The following DACH1 variants were observed in gnomAD, a reference collection of about 807,000 sequenced individuals.
DACH1 encodes the protein dachshund family transcription factor 1.
Under a neutral mutation model 54.2 loss-of-function variants are expected in DACH1, and 12 were observed. The ratio of observed to expected loss-of-function variants is 0.22; its 90% CI spans 0.14 to 0.36. The LOEUF (loss-of-function observed/expected upper bound fraction) is 0.36. Ranked by LOEUF, DACH1 falls within the 10% of genes least tolerant of loss-of-function variation. DACH1 has a pLI of 1.00. For missense variants in DACH1, 805 were observed against 929.8 expected, an observed-to-expected ratio of 0.87 and a Z score of 1.75; for synonymous variants, 386 against 366.2, an observed-to-expected ratio of 1.05 and a Z score of -0.62.
At chr13:71,740,232 T>C (rs1302123771) in intron 1 of DACH1, among the ~76,000 whole-genome samples, 1 of 152,170 alleles carries the variant, frequency 6.6e-6, no homozygotes, top group African/African-American at 2.4e-5. Context: ...TTCAAGCTAT[T>C]TTCTACTACC....
At chr13:71,769,561 T>C (rs1218514390) in intron 1 of DACH1, among the ~76,000 whole-genome samples, 1 of 151,632 alleles carries the variant, frequency 6.6e-6, no homozygotes, top group Non-Finnish European at 1.5e-5. Context: ...GTCACTTTTC[T>C]GAAAAATAGT....
At chr13:71,618,355 T>G (rs958277065) in intron 3 of DACH1, among the ~76,000 whole-genome samples, 1 of 152,104 alleles carries the variant, frequency 6.6e-6, no homozygotes, top group African/African-American at 2.4e-5. Flanking sequence ...TGCTGAGTTA[T>G]GCTTTGTGGT....
chr13:71,487,146 C>T (rs993036460), intron 7 of DACH1, among the ~76,000 whole-genome samples: 4 of 152,070 alleles, frequency 2.6e-5, no homozygotes, highest in South Asian at 2.1e-4. Context: ...CCACGGCACC[C>T]GACCCTTAAT....
At chr13:71,704,609 G>T in intron 1 of DACH1, 1 of 443,792 alleles carries the variant, frequency 2.3e-6, no homozygotes, top group Non-Finnish European at 4.5e-6. Flanking sequence ...ACCCATGGCA[G>T]GGAGCCTGAG....
intron 1 of DACH1, among the ~76,000 whole-genome samples, chr13:71,745,778 C>T (rs1002525154): frequency 6.6e-5 from 10 of 152,168 alleles, no homozygotes; most frequent in African/African-American, 2.4e-4. Context: ...ACGGTGTACT[C>T]AATCCCAATA....
intron 1 of DACH1, among the ~76,000 whole-genome samples, chr13:71,814,586 C>A: frequency 6.6e-6 from 1 of 152,140 alleles, no homozygotes; most frequent in Non-Finnish European, 1.5e-5. Flanking sequence ...GTAATGGACT[C>A]TTTGGATTAA....
At chr13:71,667,564 A>G (rs973097879) in intron 2 of DACH1, among the ~76,000 whole-genome samples, 1 of 152,204 alleles carries the variant, frequency 6.6e-6, no homozygotes, top group Non-Finnish European at 1.5e-5. Flanking sequence ...TCTCTCATTG[A>G]TACATATAGT....
chr13:71,619,068 T>C (rs1876004418), intron 3 of DACH1, among the ~76,000 whole-genome samples: 1 of 151,670 alleles, frequency 6.6e-6, no homozygotes. Flanking sequence ...CTGAAAACAT[T>C]TTATGCACTA....
Position 71,652,042 on chromosome 13 carries a change from C to T in DACH1, c.965-21325G>A, listed in dbSNP as rs192127485. Among the ~76,000 whole-genome samples, 31 of 152,220 alleles carry T rather than the reference C, an allele frequency of 2.0e-4. No individual in the cohort carries two copies. The East Asian group carries it at 6.0e-3, about 29-fold the overall frequency. On this transcript the variant is annotated intron_variant, in intron 2 of 10. Coordinates refer to ENST00000613252, the MANE Select transcript of DACH1 (RefSeq NM_080759.6). ...AATTCCTGAGGAACTACTTAATTGG[C>T]ATTTGTCATGCTAGATCGTATTCCT...
intron 4 of DACH1, among the ~76,000 whole-genome samples, chr13:71,563,716 A>C (rs1884735709): frequency 6.6e-6 from 1 of 151,716 alleles, no homozygotes; most frequent in Admixed American, 6.6e-5. Flanking sequence ...AGCATAATAA[A>C]GCTCAGTAAA....
intron 1 of DACH1, among the ~76,000 whole-genome samples, chr13:71,845,741 G>A (rs1023632324): frequency 6.6e-6 from 1 of 152,162 alleles, no homozygotes; most frequent in East Asian, 1.9e-4. Context: ...CCATAATCCA[G>A]TATCCTTATG....
At chr13:71,752,199 G>T (rs143566388) in intron 1 of DACH1, among the ~76,000 whole-genome samples, 1 of 152,106 alleles carries the variant, frequency 6.6e-6, no homozygotes, top group African/African-American at 2.4e-5. Flanking sequence ...TGCTCTGAAA[G>T]CTCCTTCTGA....
chr13:71,621,146 C>T lies in DACH1; in HGVS notation c.1126+9410G>A, dbSNP rs187396043. 2.1e-4 allele frequency among the ~76,000 whole-genome samples: 32 copies of T among 151,882 alleles called. No homozygotes were observed. In the East Asian group the frequency reaches 4.8e-3, roughly 23 times the overall value. ...CAAACACACACACACACTTCTTTGTCGCTATGCAGCTATTACTCCCAGCCT... is the reference window on the plus strand; with the variant it reads ...CAAACACACACACACACTTCTTTGTTGCTATGCAGCTATTACTCCCAGCCT... On this transcript the variant is annotated intron_variant, in intron 3 of 10. Coordinates refer to ENST00000613252, the MANE Select transcript of DACH1 (RefSeq NM_080759.6).
chr13:71,756,189 C>T (rs901854546), intron 1 of DACH1, among the ~76,000 whole-genome samples: 4 of 151,964 alleles, frequency 2.6e-5, no homozygotes, highest in South Asian at 4.1e-4. Flanking sequence ...TGCCACCACA[C>T]TCGGCTAATT....
intron 7 of DACH1, among the ~76,000 whole-genome samples, chr13:71,484,339 T>G (rs1263239012): frequency 1.3e-5 from 2 of 152,142 alleles, no homozygotes; most frequent in Non-Finnish European, 2.9e-5. Context: ...AGCTAATTTT[T>G]GTATTTTTGT....
intron 1 of DACH1, among the ~76,000 whole-genome samples, chr13:71,784,705 AG>A (rs1426461622): frequency 1.1e-4 from 16 of 152,244 alleles, no homozygotes; most frequent in Non-Finnish European, 2.2e-4. Flanking sequence ...AGCCAAGAAA[AG>A]TTTTGTCATT....
chr13:71,543,203 A>G (rs1321669991), intron 6 of DACH1, among the ~76,000 whole-genome samples: 3 of 152,160 alleles, frequency 2.0e-5, no homozygotes, highest in Non-Finnish European at 4.4e-5. Context: ...GGTTCACTAC[A>G]AGAAATGCAA....
chr13:71,683,058 T>A (rs1880991116), intron 1 of DACH1, among the ~76,000 whole-genome samples: 1 of 152,144 alleles, frequency 6.6e-6, no homozygotes, highest in Non-Finnish European at 1.5e-5. Flanking sequence ...ATCAGAAGAT[T>A]CAAAGATGTT....
intron 1 of DACH1, among the ~76,000 whole-genome samples, chr13:71,736,440 G>A (rs1566469181): frequency 6.6e-6 from 1 of 151,888 alleles, no homozygotes; most frequent in Non-Finnish European, 1.5e-5. Context: ...CATAGTAACA[G>A]CTTAAGGAAA....
Sources: allele counts gnomAD v4.1 joint callset (sites outside exome capture counted in the v4.1 genomes callset), GRCh38; gene constraint gnomAD v4.1.1; transcripts MANE v1.5; gene names NCBI Gene and HGNC (gene_info 2026-07-23, HGNC 2026-07-21).